Variants in PRPF3 observed in about 807,000 individuals in gnomAD.
PRPF3 encodes the protein pre-mRNA processing factor 3, also known as U4/U6 small nuclear ribonucleoprotein Prp3.
PRPF3 carries 3 observed loss-of-function variants against 89.2 expected under a neutral mutation model. The ratio of observed to expected loss-of-function variants is 0.03; its 90% CI spans 0.02 to 0.09. PRPF3 has a LOEUF of 0.09. PRPF3 is among the 10% of genes least tolerant of loss of function. The pLI, the probability that PRPF3 is intolerant of heterozygous loss-of-function variation, is 1.00. For synonymous variants in PRPF3, 270 were observed against 289.1 expected (o/e 0.93, Z 0.67); for missense variants, 463 against 828.8 (o/e 0.56, Z 5.42).
intron 10 of PRPF3, 122 bp downstream of exon 10, chr1:150,343,574 CT>C: frequency 2.2e-6 from 3 of 1,335,840 alleles, no homozygotes; most frequent in Non-Finnish European, 3.1e-6. Context: ...TCTTGGGGTC[CT>C]TTTTCTCCAA....
At chr1:150,327,973 T>C (rs1655910265) in intron 3 of PRPF3, 1 of 331,340 alleles carries the variant, frequency 3.0e-6, no homozygotes, top group Non-Finnish European at 5.7e-6. Context: ...TAGGTTATAA[T>C]GAGGAAAACT....
At chr1:150,344,587 C>T (rs1553872411) in intron 12 of PRPF3, 40 bp downstream of exon 12, 7 of 1,602,208 alleles carry the variant, frequency 4.4e-6, no homozygotes, top group Non-Finnish European at 6.0e-6. Context: ...CTTAGAATTA[C>T]TAAAACATTT....
At chr1:150,349,516 C>A (rs1264669287) in intron 15 of PRPF3, among the ~76,000 whole-genome samples, 1 of 152,074 alleles carries the variant, frequency 6.6e-6, no homozygotes, top group East Asian at 1.9e-4. Flanking sequence ...GAATATGAGA[C>A]TTGGAAACGG....
At position 150,338,252 on chromosome 1, in the gene PRPF3, G is replaced by A. The variant is rs1274839626; in HGVS notation, c.1128G>A (p.Lys376=). 6.2e-7 allele frequency: 1 copy of A among 1,613,708 alleles called. No individual in the cohort carries two copies. Among genetic ancestry groups the A allele is most frequent in the Non-Finnish European group, 8.5e-7 (1 of 1,179,676 alleles). The part of the protein sequence containing the change: ...TSTRLALIAP[K]KELKEGDIPE... The stretch of plus-strand genomic sequence containing the variant: ...CTAGGCTTGCCCTCATTGCTCCTAA[G>A]AAGGAGCTAAAGGAAGGAGATATTC... The change falls in exon 8 of 16, where the codon AAG becomes AAA. Residue 376 remains lysine, a synonymous_variant. Transcript: ENST00000324862.
intron 6 of PRPF3, 99 bp from the exon 7 acceptor site, chr1:150,334,836 T>C: frequency 7.0e-7 from 1 of 1,434,048 alleles, no homozygotes; most frequent in Non-Finnish European, 9.6e-7. Flanking sequence ...CCCAAAATGC[T>C]GTGGTTCCAG....
chr1:150,326,804 C>T (rs909053075), intron 3 of PRPF3, among the ~76,000 whole-genome samples: 28 of 152,232 alleles, frequency 1.8e-4, no homozygotes, highest in African/African-American at 6.0e-4. Context: ...TGGCATGTGC[C>T]TGTAATCCTA....
At chr1:150,339,735 G>A (rs1233158291) in intron 8 of PRPF3, among the ~76,000 whole-genome samples, 9 of 131,828 alleles carry the variant, frequency 6.8e-5, no homozygotes, top group African/African-American at 2.6e-4. Flanking sequence ...ACCACGCCTG[G>A]CGTTTTTTTT....
At chr1:150,337,764 C>A (rs1247055368) in intron 7 of PRPF3, among the ~76,000 whole-genome samples, 147,869 of 148,144 alleles carry the variant, frequency 1, 73,798 homozygotes, top group South Asian at 1. Flanking sequence ...ACTCCGTCTA[C>A]AAAAAAAAAA....
At chr1:150,346,537 G>A (rs373486158) in intron 14 of PRPF3, 46 bp downstream of exon 14, 2 of 1,530,500 alleles carry the variant, frequency 1.3e-6, no homozygotes, top group East Asian at 2.3e-5. Flanking sequence ...TATGGGAGGT[G>A]GGGATGGTGC....
intron 3 of PRPF3, 47 bp from the exon 4 acceptor site, chr1:150,328,273 C>A: frequency 6.2e-7 from 1 of 1,608,870 alleles, no homozygotes; most frequent in Non-Finnish European, 8.5e-7. Context: ...CTTCCCTTCT[C>A]CCCACGGGGA....
intron 14 of PRPF3, among the ~76,000 whole-genome samples, chr1:150,347,081 G>C (rs781909940): frequency 6.6e-6 from 1 of 151,686 alleles, no homozygotes; most frequent in Non-Finnish European, 1.5e-5. Context: ...GACAGAATGA[G>C]ACCCTGTCTC....
chr1:150,343,251 A>G, intron 9 of PRPF3, 58 bp from the exon 10 acceptor site: 2 of 595,060 alleles, frequency 3.4e-6, no homozygotes, highest in Non-Finnish European at 4.2e-6. Flanking sequence ...AAAAAAAAAT[A>G]TATATATATA....
chr1:150,333,806 A>T (rs1449804608), intron 6 of PRPF3, among the ~76,000 whole-genome samples: 1 of 152,194 alleles, frequency 6.6e-6, no homozygotes, highest in Admixed American at 6.6e-5. Flanking sequence ...CCATTAAACC[A>T]CATTGTGTGA....
intron 14 of PRPF3, among the ~76,000 whole-genome samples, chr1:150,348,459 C>CTTTTTTTTTTTTTT (rs1553873583): frequency 1.4e-4 from 5 of 34,832 alleles, no homozygotes; most frequent in East Asian, 3.3e-3. Context: ...TCTACACGTG[C>CTTTTTTTTTTTTTT]ATTTTTTTTT....
At chr1:150,348,332 A>G (rs781979761) in intron 14 of PRPF3, among the ~76,000 whole-genome samples, 1 of 151,918 alleles carries the variant, frequency 6.6e-6, no homozygotes, top group Non-Finnish European at 1.5e-5. Flanking sequence ...AGCTGAGATC[A>G]TACCACTTCA....
At chr1:150,334,904 A>C (rs587666528) in intron 6 of PRPF3, 31 bp from the exon 7 acceptor site, 1 of 1,613,122 alleles carries the variant, frequency 6.2e-7, no homozygotes, top group East Asian at 2.2e-5. Context: ...TGTTCCATAC[A>C]GGATTTATTT....
intron 12 of PRPF3, among the ~76,000 whole-genome samples, chr1:150,344,903 A>G (rs1658127778): frequency 6.7e-6 from 1 of 150,186 alleles, no homozygotes; most frequent in South Asian, 2.1e-4. Context: ...TTTTTTTTAA[A>G]TGGTCTGAGT....
At chr1:150,340,899 C>T (rs782455563) in intron 9 of PRPF3, among the ~76,000 whole-genome samples, 29 of 151,754 alleles carry the variant, frequency 1.9e-4, no homozygotes, top group Non-Finnish European at 3.5e-4. Flanking sequence ...TGCTTGAGCT[C>T]AGGAGTTCGA....
chr1:150,344,256 A>G lies in PRPF3; in HGVS notation c.1521A>G (p.Arg507=). ...ACGTCAGAGCTCAGATGGCAAAAAG[A>G]CAGAAGTAAGTGCCATGGGATTGGG... ...EAHVRAQMAK[R]QKAHEEANAA... Residue 507 remains arginine, a synonymous_variant, in exon 11 of 16, where the codon AGA becomes AGG. Transcript: ENST00000324862. 1 of 1,614,176 alleles carries G rather than the reference A, an allele frequency of 6.2e-7. No homozygotes were observed. Among genetic ancestry groups the G allele is most frequent in the Non-Finnish European group, 8.5e-7 (1 of 1,180,024 alleles).
Sources: allele counts gnomAD v4.1 joint callset (sites outside exome capture counted in the v4.1 genomes callset), GRCh38; gene constraint gnomAD v4.1.1; transcripts MANE v1.5; gene names NCBI Gene and HGNC (gene_info 2026-07-23, HGNC 2026-07-21).